Variants in SHANK2 observed in about 807,000 individuals in gnomAD.
SHANK2 encodes the protein SH3 and multiple ankyrin repeat domains 2, also known as SH3 and multiple ankyrin repeat domains protein 2.
SHANK2 carries 43 observed loss-of-function variants against 133.7 expected under a neutral mutation model. That is an observed-to-expected ratio of 0.32 (90% CI 0.25 to 0.41). The LOEUF (loss-of-function observed/expected upper bound fraction) is 0.41, where lower values mean the gene tolerates loss of function less well. SHANK2 is among the 10% of genes least tolerant of loss of function. The pLI is 1.00. For missense variants in SHANK2, 1,994 were observed against 2,235.8 expected (o/e 0.89, Z 2.18); for synonymous variants, 1,017 against 952.8 (o/e 1.07, Z -1.24).
At chr11:70,482,775 C>T (rs989449102) in intron 25 of SHANK2, among the ~76,000 whole-genome samples, 3 of 152,218 alleles carry the variant, frequency 2.0e-5, no homozygotes, top group African/African-American at 7.2e-5. Flanking sequence ...TGGTATGCAG[C>T]TGCTCTCCTT....
intron 2 of SHANK2, among the ~76,000 whole-genome samples, chr11:71,192,194 T>C (rs1953807803): frequency 6.6e-6 from 1 of 152,182 alleles, no homozygotes; most frequent in Admixed American, 6.5e-5. Context: ...CACCAGTCCT[T>C]TGGATTAGGG....
In SHANK2 at chr11:70,878,193, A is replaced by G. The variant is rs187832213; in HGVS notation, c.1174+18308T>C. 2.3e-3 allele frequency among the ~76,000 whole-genome samples: 351 copies of G among 152,212 alleles called. 4 individuals are homozygous for G. The highest frequency in any genetic ancestry group is 8.0e-3 in the African/African-American group (332 of 41,510). ...GCCCCATCCACATCTCTCTTACAAA[A>G]CCAAGCCGCAGCTCCCTCCTGCTGA... On this transcript the variant is annotated intron_variant, in intron 11 of 25. Transcript: ENST00000601538.
chr11:70,805,072 ATG>A (rs1948130793), intron 13 of SHANK2, among the ~76,000 whole-genome samples: 1 of 152,156 alleles, frequency 6.6e-6, no homozygotes, highest in Non-Finnish European at 1.5e-5. Flanking sequence ...GAGTCCACAG[ATG>A]CCCAGCCCCA....
intron 14 of SHANK2, among the ~76,000 whole-genome samples, chr11:70,702,550 C>T (rs782141887): frequency 4.6e-5 from 7 of 152,150 alleles, no homozygotes; most frequent in Non-Finnish European, 7.4e-5. Flanking sequence ...AGCGTCATCA[C>T]CACCATCATC....
At chr11:70,531,041 C>T (rs1033136109) in intron 17 of SHANK2, among the ~76,000 whole-genome samples, 4 of 150,416 alleles carry the variant, frequency 2.7e-5, no homozygotes, top group Non-Finnish European at 4.4e-5. Context: ...AAACATTCGT[C>T]GGGCTTGGTG....
At chr11:70,682,394 T>A (rs956558891) in intron 15 of SHANK2, among the ~76,000 whole-genome samples, 11 of 152,200 alleles carry the variant, frequency 7.2e-5, no homozygotes, top group Non-Finnish European at 1.5e-5. Context: ...GACACAATGA[T>A]GTTGCAAAGG....
At chr11:70,952,576 T>G (rs1555086885) in intron 10 of SHANK2, 1 of 233,456 alleles carries the variant, frequency 4.3e-6, no homozygotes, top group Middle Eastern at 1.8e-3. Flanking sequence ...CCCGTCTCAG[T>G]GCTGAAACTG....
intron 17 of SHANK2, among the ~76,000 whole-genome samples, chr11:70,606,261 T>C (rs2060575180): frequency 6.6e-6 from 1 of 152,070 alleles, no homozygotes; most frequent in South Asian, 2.1e-4. Flanking sequence ...TCTTTAAAGA[T>C]CCTAGCATGA....
In SHANK2 at chr11:70,644,934, G is replaced by A. The variant is rs550279045; in HGVS notation, c.2061+14894C>T. Among the ~76,000 whole-genome samples the A allele has an allele frequency of 3.3e-5, 5 of 152,278 alleles. No homozygotes were observed. The South Asian group carries it at 6.2e-4, about 19-fold the overall frequency. ...AGCAGGAAATTCATCAAAAGATCTCGTCAAAGGCTGGGCATGGTGGCTCAT... is the reference window on the plus strand; with the variant it reads ...AGCAGGAAATTCATCAAAAGATCTCATCAAAGGCTGGGCATGGTGGCTCAT... On this transcript the variant is annotated intron_variant, in intron 17 of 25. Coordinates refer to ENST00000601538, the MANE Select transcript of SHANK2 (RefSeq NM_012309.5).
intron 9 of SHANK2, among the ~76,000 whole-genome samples, chr11:71,073,567 A>C (rs1382868388): frequency 6.6e-6 from 1 of 151,920 alleles, no homozygotes; most frequent in African/African-American, 2.4e-5. Context: ...CCCAGGGCTC[A>C]AGTGATCCTC....
intron 17 of SHANK2, among the ~76,000 whole-genome samples, chr11:70,650,390 T>G (rs1162859172): frequency 6.6e-6 from 1 of 152,180 alleles, no homozygotes; most frequent in African/African-American, 2.4e-5. Flanking sequence ...GCTGAGGGCT[T>G]TCTCCAGACT....
At chr11:71,097,339 C>T (rs1299789261) in intron 6 of SHANK2, among the ~76,000 whole-genome samples, 2 of 152,152 alleles carry the variant, frequency 1.3e-5, no homozygotes, top group Non-Finnish European at 2.9e-5. Context: ...ACAGATATAA[C>T]AGCACTGCCC....
At chr11:70,864,230 A>G (rs1389112315) in intron 11 of SHANK2, 1 of 166,304 alleles carries the variant, frequency 6.0e-6, no homozygotes, top group Non-Finnish European at 1.3e-5. Context: ...ATGCTCTGCT[A>G]TTTGCACATT....
intron 14 of SHANK2, among the ~76,000 whole-genome samples, chr11:70,700,423 C>T (rs1945494404): frequency 6.6e-6 from 1 of 152,206 alleles, no homozygotes; most frequent in Non-Finnish European, 1.5e-5. Flanking sequence ...CTCCTCAAAG[C>T]CTTGCTCAGG....
chr11:70,724,697 C>T (rs1555030156), intron 14 of SHANK2, among the ~76,000 whole-genome samples: 1 of 152,256 alleles, frequency 6.6e-6, no homozygotes, highest in Non-Finnish European at 1.5e-5. Context: ...CTGTGGAGAG[C>T]TGTGTCGACA....
chr11:71,199,712 G>A (rs782630060), intron 2 of SHANK2, among the ~76,000 whole-genome samples: 1 of 152,190 alleles, frequency 6.6e-6, no homozygotes, highest in Non-Finnish European at 1.5e-5. Context: ...AACCGTGGAA[G>A]GAAAGCTGGC....
At chr11:70,510,049 G>T (rs1554969066) in intron 17 of SHANK2, among the ~76,000 whole-genome samples, 1 of 152,092 alleles carries the variant, frequency 6.6e-6, no homozygotes, top group Admixed American at 6.5e-5. Flanking sequence ...TACATATATT[G>T]TACCAGGCTT....
At chr11:70,631,375 TACACACACACACACAC>T (rs56370058) in intron 17 of SHANK2, 1 of 143,390 alleles carries the variant, frequency 7.0e-6, no homozygotes, top group African/African-American at 2.6e-5. Flanking sequence ...TTCCCGGAGT[TACACACACACACACAC>T]ACACACACAC....
At chr11:70,851,319 A>T (rs1163641205) in intron 11 of SHANK2, among the ~76,000 whole-genome samples, 10 of 152,200 alleles carry the variant, frequency 6.6e-5, no homozygotes, top group African/African-American at 2.4e-4. Flanking sequence ...CTGGCCCTTC[A>T]TCTGGTCACC....
Sources: allele counts gnomAD v4.1 joint callset (sites outside exome capture counted in the v4.1 genomes callset), GRCh38; gene constraint gnomAD v4.1.1; transcripts MANE v1.5; gene names NCBI Gene and HGNC (gene_info 2026-07-23, HGNC 2026-07-21).